SHTN1: variants seen among roughly 807,000 people sequenced by gnomAD.
The protein encoded by SHTN1 is shootin-1.
A neutral mutation model predicts 83.1 loss-of-function variants in SHTN1; 42 were observed. The observed-to-expected ratio is 0.51, with a 90% CI of 0.39 to 0.65. The LOEUF (loss-of-function observed/expected upper bound fraction) is 0.65, where lower values mean the gene tolerates loss of function less well. Among genes scored for constraint, SHTN1 ranks in the 30% least tolerant of loss-of-function variants. The pLI is 0.00. For synonymous variants in SHTN1, 224 were observed against 247.7 expected, an observed-to-expected ratio of 0.90 and a Z score of 0.90; for missense variants, 622 against 737.8, an observed-to-expected ratio of 0.84 and a Z score of 1.82.
At position 116,882,630 on chromosome 10, in the gene SHTN1, G is replaced by A. The variant is rs1421555417; in HGVS notation, c.*3714C>T. On this transcript the variant is annotated 3_prime_UTR_variant, in exon 17 of 17. Coordinates refer to ENST00000355371, the MANE Select transcript of SHTN1 (RefSeq NM_001127211.3). ...TATGTACTGACCTGTAGGGGAGTTGGCTAAGTTTAGACTTCTGACAAATTC... is the reference window on the plus strand; with the variant it reads ...TATGTACTGACCTGTAGGGGAGTTGACTAAGTTTAGACTTCTGACAAATTC... The A allele has an allele frequency of 2.0e-5, 3 of 152,156 alleles. No homozygotes were observed. The highest frequency in any genetic ancestry group is 2.9e-5 in the Non-Finnish European group (2 of 68,040). 9.4% of individuals were successfully genotyped at this position (152,156 alleles called of 1,614,324 possible). A position where few individuals can be genotyped will look rare whatever the true frequency, so the allele number is the denominator to read the frequency against.
At chr10:117,094,779 C>T (rs993924881) in intron 1 of SHTN1, among the ~76,000 whole-genome samples, 2 of 152,146 alleles carry the variant, frequency 1.3e-5, no homozygotes, top group African/African-American at 4.8e-5. Context: ...TAAAAGCTGT[C>T]AAAATTAATT....
chr10:117,005,298 G>A (rs923021508), upstream of SHTN1: 6 of 1,421,414 alleles, frequency 4.2e-6, no homozygotes, highest in East Asian at 5.3e-5. Context: ...GGCGGGGCGG[G>A]GCGGGCCCAG....
At chr10:116,937,156 A>G (rs963548441) in intron 9 of SHTN1, among the ~76,000 whole-genome samples, 2 of 152,094 alleles carry the variant, frequency 1.3e-5, no homozygotes, top group African/African-American at 4.8e-5. Context: ...CATTTATCCC[A>G]TTTACATTTA....
chr10:116,886,881 C>T (rs1212894627), intron 16 of SHTN1, among the ~76,000 whole-genome samples: 1 of 152,228 alleles, frequency 6.6e-6, no homozygotes, highest in African/African-American at 2.4e-5. Flanking sequence ...CATGGACAAA[C>T]TGTGAACTTC....
At chr10:117,004,377 C>T (rs1851933638) in intron 1 of SHTN1, among the ~76,000 whole-genome samples, 2 of 152,152 alleles carry the variant, frequency 1.3e-5, no homozygotes, top group South Asian at 2.1e-4. Context: ...CCAAGCAGTA[C>T]AGAAATGCGT....
At chr10:117,101,351 T>G (rs939321186) in intron 1 of SHTN1, among the ~76,000 whole-genome samples, 1 of 152,094 alleles carries the variant, frequency 6.6e-6, no homozygotes, top group Non-Finnish European at 1.5e-5. Flanking sequence ...TACAAGGTGA[T>G]AGAAAAAAGG....
chr10:117,118,251 A>G lies in SHTN1; in HGVS notation c.-189+8056T>C, dbSNP rs151106934. On this transcript the variant is annotated intron_variant, in intron 1 of 17. Transcript: ENST00000392901. ...TTAAAAAAGGGCAAAAGATCTGAAT[A>G]GACAGTTCTCAACAGAAGACATACA... Among the ~76,000 whole-genome samples the G allele has an allele frequency of 4.8e-3, 726 of 152,260 alleles. 4 individuals carry two copies. Among genetic ancestry groups the G allele is most frequent in the South Asian group, 0.03 (146 of 4,828 alleles).
intron 1 of SHTN1, among the ~76,000 whole-genome samples, chr10:117,084,505 G>A (rs191389574): frequency 0.024 from 3,595 of 151,886 alleles, 127 homozygotes; most frequent in East Asian, 0.12. Flanking sequence ...GTCTGTGCCC[G>A]CCCCCAGAGG....
intron 3 of SHTN1, among the ~76,000 whole-genome samples, chr10:116,961,000 A>G (rs895940787): frequency 1.3e-5 from 2 of 152,198 alleles, no homozygotes; most frequent in Admixed American, 6.5e-5. Flanking sequence ...AACTTGAGTT[A>G]TATTTTGAAG....
chr10:116,893,055 GTA>G (rs1847387967), intron 16 of SHTN1, among the ~76,000 whole-genome samples: 1 of 152,226 alleles, frequency 6.6e-6, no homozygotes, highest in African/African-American at 2.4e-5. Context: ...CATTTTAACA[GTA>G]ATTTTGAGAT....
chr10:116,901,737 C>T lies in SHTN1; in HGVS notation c.1673+28G>A, dbSNP rs765840092. On this transcript the variant is annotated intron_variant, in intron 16 of 16. Coordinates refer to ENST00000355371, the MANE Select transcript of SHTN1 (RefSeq NM_001127211.3). The stretch of plus-strand genomic sequence containing the variant: ...TAGTCATTACAGATTCTTCTATACA[C>T]CACTTAGTAAAGAGCATCGTTACTT... 10 of 1,546,326 alleles carry T rather than the reference C, an allele frequency of 6.5e-6. No individual in the cohort carries two copies. The South Asian group carries it at 1.3e-4, about 19-fold the overall frequency.
intron 2 of SHTN1, among the ~76,000 whole-genome samples, chr10:117,025,058 A>G (rs1410695636): frequency 6.6e-6 from 1 of 152,210 alleles, no homozygotes. Flanking sequence ...CTTCAAGGAC[A>G]CCAATTTAAC....
chr10:116,963,145 C>T (rs2133446411), intron 3 of SHTN1, among the ~76,000 whole-genome samples: 1 of 137,778 alleles, frequency 7.3e-6, no homozygotes, highest in Non-Finnish European at 1.5e-5. Context: ...AATCTCGGCT[C>T]ACTGCAAGCT....
chr10:117,053,512 T>C (rs553175431), intron 1 of SHTN1, among the ~76,000 whole-genome samples: 3 of 152,318 alleles, frequency 2.0e-5, no homozygotes, highest in African/African-American at 7.2e-5. Flanking sequence ...TATGAAAAGA[T>C]ACTCAACATC....
At chr10:117,033,660 C>T (rs905394204) in intron 2 of SHTN1, among the ~76,000 whole-genome samples, 5 of 152,006 alleles carry the variant, frequency 3.3e-5, no homozygotes, top group Admixed American at 2.6e-4. Context: ...GGAGGGAATA[C>T]TTCCAAAATC....
intron 16 of SHTN1, among the ~76,000 whole-genome samples, chr10:116,888,621 G>A (rs1847237560): frequency 6.6e-6 from 1 of 152,196 alleles, no homozygotes; most frequent in Admixed American, 6.5e-5. Context: ...CTTCCCCAAG[G>A]AGCTGCACAT....
chr10:116,908,608 A>G (rs1848067848), intron 14 of SHTN1, among the ~76,000 whole-genome samples: 1 of 152,202 alleles, frequency 6.6e-6, no homozygotes, highest in African/African-American at 2.4e-5. Flanking sequence ...AAACTACTAC[A>G]TTGTTTCAAT....
At chr10:117,093,242 C>T (rs147250366) in intron 1 of SHTN1, among the ~76,000 whole-genome samples, 27 of 152,236 alleles carry the variant, frequency 1.8e-4, no homozygotes, top group African/African-American at 5.8e-4. Flanking sequence ...GGCAGCAGAG[C>T]CCACAAGTGC....
exon 1 of SHTN1, chr10:117,126,455 C>T (rs1479236399): frequency 2.1e-5 from 5 of 234,298 alleles, no homozygotes; most frequent in South Asian, 4.2e-5. Flanking sequence ...ACCTGGCCCT[C>T]GCCTCGCCTC....
Sources: allele counts gnomAD v4.1 joint callset (sites outside exome capture counted in the v4.1 genomes callset), GRCh38; gene constraint gnomAD v4.1.1; transcripts MANE v1.5; gene names NCBI Gene and HGNC (gene_info 2026-07-23, HGNC 2026-07-21).